The following ZNF618 variants were observed in gnomAD, a reference collection of about 807,000 sequenced individuals.
ZNF618 encodes the protein neural precursor cell expressed, developmentally down-regulated 10.
A neutral mutation model predicts 103.0 loss-of-function variants in ZNF618; 34 were observed. The observed-to-expected ratio is 0.33, with a 90% CI of 0.25 to 0.44. The LOEUF (loss-of-function observed/expected upper bound fraction) is 0.44. ZNF618 is among the 20% of genes least tolerant of loss of function. The pLI is 1.00. For synonymous variants in ZNF618, 551 were observed against 542.2 expected, an observed-to-expected ratio of 1.02 and a Z score of -0.23; for missense variants, 1,059 against 1,295.4, an observed-to-expected ratio of 0.82 and a Z score of 2.80.
At chr9:113,896,650 C>T (rs1283868654) in intron 1 of ZNF618, among the ~76,000 whole-genome samples, 1 of 151,884 alleles carries the variant, frequency 6.6e-6, no homozygotes, top group Admixed American at 6.6e-5. Flanking sequence ...TTCAGATTCC[C>T]CATAGGGCCT....
At chr9:113,997,902 A>G (rs1202499474) in intron 3 of ZNF618, among the ~76,000 whole-genome samples, 2 of 152,242 alleles carry the variant, frequency 1.3e-5, no homozygotes, top group Non-Finnish European at 2.9e-5. Context: ...TGTGGTGGCC[A>G]CAGGCCAGGG....
At chr9:113,972,233 G>T (rs1251868494) in intron 2 of ZNF618, among the ~76,000 whole-genome samples, 2 of 152,034 alleles carry the variant, frequency 1.3e-5, no homozygotes, top group Non-Finnish European at 2.9e-5. Context: ...TCTTTTTGTA[G>T]AGCTGGGGTT....
Position 114,002,086 on chromosome 9 carries a change from TC to T in ZNF618, c.511+16del. ...CGGGCGCACCGAGGTGAGAGGAGTG[TC>T]CCTGGGGCAGAGCCCAGGGGCCGCA... On this transcript the variant is annotated intron_variant, in intron 5 of 14. Transcript: ENST00000374126. 1 of 1,610,486 alleles carries T rather than the reference TC, an allele frequency of 6.2e-7. No individual in the cohort carries two copies. The highest frequency in any genetic ancestry group is 8.5e-7 in the Non-Finnish European group (1 of 1,178,618).
intron 13 of ZNF618, among the ~76,000 whole-genome samples, chr9:114,046,745 G>GA (rs1413830662): frequency 2.0e-5 from 3 of 152,184 alleles, no homozygotes; most frequent in African/African-American, 7.2e-5. Flanking sequence ...TTTTTATCAT[G>GA]AAAAAGGTGT....
intron 1 of ZNF618, among the ~76,000 whole-genome samples, chr9:113,945,027 C>T (rs1335186369): frequency 6.6e-6 from 1 of 152,154 alleles, no homozygotes; most frequent in African/African-American, 2.4e-5. Context: ...TTGATCGTGT[C>T]GTGATCAGCT....
chr9:113,985,507 G>A (rs1564255942), intron 2 of ZNF618, among the ~76,000 whole-genome samples: 1 of 152,242 alleles, frequency 6.6e-6, no homozygotes, highest in Non-Finnish European at 1.5e-5. Context: ...AGCTAGGCGG[G>A]CCCGTGCTCC....
intron 1 of ZNF618, among the ~76,000 whole-genome samples, chr9:113,923,238 A>ATT (rs569227434): frequency 5.9e-5 from 9 of 152,020 alleles, no homozygotes; most frequent in African/African-American, 1.9e-4. Flanking sequence ...GAATAAAGAA[A>ATT]TTTTTTTTGT....
intron 1 of ZNF618, among the ~76,000 whole-genome samples, chr9:113,897,357 G>A (rs1399856574): frequency 2.0e-5 from 3 of 152,086 alleles, no homozygotes; most frequent in South Asian, 2.1e-4. Context: ...AGATAATTTC[G>A]AGGATACACG....
chr9:113,986,930 C>T (rs1444101554), intron 2 of ZNF618, among the ~76,000 whole-genome samples: 1 of 152,210 alleles, frequency 6.6e-6, no homozygotes, highest in Non-Finnish European at 1.5e-5. Context: ...AAAAGTCTTG[C>T]CCAAGGCCAC....
At chr9:113,904,830 C>T (rs1038646596) in intron 1 of ZNF618, among the ~76,000 whole-genome samples, 1 of 152,200 alleles carries the variant, frequency 6.6e-6, no homozygotes, top group African/African-American at 2.4e-5. Context: ...TTGCCCATCT[C>T]TCTGGCTCTC....
chr9:113,969,308 C>T, intron 2 of ZNF618, 148 bp downstream of exon 2: 3 of 969,762 alleles, frequency 3.1e-6, no homozygotes. Flanking sequence ...CAGACTTCCC[C>T]AAAGAATGTG....
chr9:114,008,420 G>C, intron 8 of ZNF618, 41 bp downstream of exon 8: 1 of 1,613,942 alleles, frequency 6.2e-7, no homozygotes, highest in Non-Finnish European at 8.5e-7. Context: ...CCTGTCCCCG[G>C]CTGGGCTCCT....
chr9:113,989,330 T>A (rs1440334402), intron 3 of ZNF618, among the ~76,000 whole-genome samples: 2 of 152,234 alleles, frequency 1.3e-5, no homozygotes. Context: ...CGGCTCAGCG[T>A]TGCCACATCT....
rs1048915809 is a variant in ZNF618 at position 113,951,904 on chromosome 9, G to C, written c.34-17213G>C. Among the ~76,000 whole-genome samples, 5 of 152,138 alleles carry C rather than the reference G, an allele frequency of 3.3e-5. No homozygotes were observed. The East Asian group carries it at 9.7e-4, about 30-fold the overall frequency. On this transcript the variant is annotated intron_variant, in intron 1 of 14. Transcript: ENST00000374126. ...ACTCAAGTTGCCACCGCAAAGCCTG[G>C]GGTGGAGACTTGGTCATCATTCAGA...
chr9:113,934,051 A>G (rs1182257693), intron 1 of ZNF618, among the ~76,000 whole-genome samples: 1 of 152,040 alleles, frequency 6.6e-6, no homozygotes, highest in Non-Finnish European at 1.5e-5. Flanking sequence ...GAGAAAGGGG[A>G]CTGAAAGAAA....
chr9:114,049,639 C>T lies in ZNF618; in HGVS notation c.2337C>T (p.Gly779=), dbSNP rs754941962. ...KLFTAKANDA[G]TVSKLCHLFL... is the part of the protein sequence containing the mutation. ...TCACGGCCAAGGCCAACGACGCAGGCACTGTCAGCAAGCTCTGCCACCTCT... is the reference window on the plus strand; with the variant it reads ...TCACGGCCAAGGCCAACGACGCAGGTACTGTCAGCAAGCTCTGCCACCTCT... The change falls in exon 15 of 15, where the codon GGC becomes GGT. Residue 779 remains glycine, a synonymous_variant. Coordinates refer to ENST00000374126, the MANE Select transcript of ZNF618 (RefSeq NM_001318042.2). 6.2e-7 allele frequency: 1 copy of T among 1,613,854 alleles called. No homozygotes were observed. Among genetic ancestry groups the T allele is most frequent in the Non-Finnish European group, 8.5e-7 (1 of 1,179,902 alleles).
chr9:113,986,955 G>A (rs1392196790), intron 2 of ZNF618, among the ~76,000 whole-genome samples: 2 of 152,230 alleles, frequency 1.3e-5, no homozygotes, highest in East Asian at 1.9e-4. Context: ...CAAGCCCATT[G>A]TAGATGGAGG....
rs578091539 is a variant in ZNF618, at chr9:113,925,899, A to G, written c.34-43218A>G. 3.9e-5 allele frequency among the ~76,000 whole-genome samples: 6 copies of G among 152,276 alleles called. 1 individual carries two copies. In the South Asian group the frequency reaches 1.0e-3, roughly 26 times the overall value. ...GTGTTACTATTTTGAACAAACTGTTATCTGTTAGGTAAGAATGAGAAAAAT... is the reference window on the plus strand; with the variant it reads ...GTGTTACTATTTTGAACAAACTGTTGTCTGTTAGGTAAGAATGAGAAAAAT... On this transcript the variant is annotated intron_variant, in intron 1 of 14. Transcript: ENST00000374126.
chr9:114,022,210 A>G (rs1191264863), intron 10 of ZNF618, among the ~76,000 whole-genome samples: 1 of 151,788 alleles, frequency 6.6e-6, no homozygotes, highest in Non-Finnish European at 1.5e-5. Flanking sequence ...TTACATTCCA[A>G]CCAGCAGTAC....
Sources: allele counts gnomAD v4.1 joint callset (sites outside exome capture counted in the v4.1 genomes callset), GRCh38; gene constraint gnomAD v4.1.1; transcripts MANE v1.5; gene names NCBI Gene and HGNC (gene_info 2026-07-23, HGNC 2026-07-21).